Variants in ZNF585B observed in about 807,000 individuals in gnomAD.
ZNF585B encodes the protein zinc finger protein 585B.
A neutral mutation model predicts 14.0 loss-of-function variants in ZNF585B; 7 were observed. The ratio of observed to expected loss-of-function variants is 0.50; its 90% CI spans 0.28 to 0.94. The LOEUF is 0.94. ZNF585B is among the 40% of genes least tolerant of loss of function. The pLI, the probability that ZNF585B is intolerant of heterozygous loss-of-function variation, is 0.09. For missense variants in ZNF585B, 750 were observed against 924.4 expected, an observed-to-expected ratio of 0.81 and a Z score of 2.45; for synonymous variants, 290 against 317.3, an observed-to-expected ratio of 0.91 and a Z score of 0.91.
At chr19:37,190,209 T>C in intron 2 of ZNF585B, 59 bp from the exon 3 acceptor site, 6 of 1,599,124 alleles carry the variant, frequency 3.8e-6, no homozygotes, top group South Asian at 1.1e-5. Flanking sequence ...GGAGTGACTA[T>C]ATATGGGATT....
intron 4 of ZNF585B, among the ~76,000 whole-genome samples, chr19:37,188,496 T>C (rs1331146484): frequency 6.8e-6 from 1 of 147,894 alleles, no homozygotes; most frequent in Non-Finnish European, 1.5e-5. Context: ...CAAAAATAAA[T>C]AAATAAAAAT....
At chr19:37,187,295 G>C (rs980649089) in intron 4 of ZNF585B, 51 bp from the exon 5 acceptor site, 14 of 1,316,894 alleles carry the variant, frequency 1.1e-5, no homozygotes, top group Non-Finnish European at 1.5e-5. Flanking sequence ...ACCATAGTTA[G>C]TACTCTTCTT....
At chr19:37,188,863 G>C (rs1335869635) in intron 4 of ZNF585B, among the ~76,000 whole-genome samples, 2 of 152,132 alleles carry the variant, frequency 1.3e-5, no homozygotes, top group Non-Finnish European at 2.9e-5. Flanking sequence ...CTGAAGGACT[G>C]GGAAGATAAG....
intron 2 of ZNF585B, among the ~76,000 whole-genome samples, chr19:37,192,000 A>G (rs1972406987): frequency 6.6e-6 from 1 of 152,134 alleles, no homozygotes; most frequent in Non-Finnish European, 1.5e-5. Context: ...ACTGCATTCC[A>G]GCCCGGGATA....
intron 2 of ZNF585B, among the ~76,000 whole-genome samples, chr19:37,192,213 C>A (rs374471683): frequency 1.4e-4 from 21 of 151,998 alleles, no homozygotes; most frequent in African/African-American, 4.8e-4. Flanking sequence ...TAAATAAGAC[C>A]AAAGTTTGAA....
intron 1 of ZNF585B, among the ~76,000 whole-genome samples, chr19:37,210,115 A>C (rs1972631102): frequency 6.6e-6 from 1 of 152,278 alleles, no homozygotes; most frequent in South Asian, 2.1e-4. Context: ...GCTACACATC[A>C]AAACTTGTTA....
rs201238346 is a variant in ZNF585B at position 37,186,758 on chromosome 19, T to C, written c.779A>G (p.His260Arg). 13 of 1,614,096 alleles carry C rather than the reference T, an allele frequency of 8.1e-6. No individual in the cohort carries two copies. Among genetic ancestry groups the C allele is most frequent in the Admixed American group, 1.7e-5 (1 of 60,006 alleles). The change falls in exon 5 of 5, where the codon CAT becomes CGT. Residue 260 changes from histidine (H) to arginine (R), a missense_variant. Coordinates refer to ENST00000532828, the MANE Select transcript of ZNF585B (RefSeq NM_152279.4). ...TCTCTCGCCTGTATGGATTTTCTGA[T>C]GAATCTTGAGTGTGGACTTTTGTGT... is the stretch of plus-strand genomic sequence containing the variant. ...AFTQKSTLKI[H>R]QKIHTGERSY...
Position 37,208,326 on chromosome 19 carries a change from C to T in ZNF585B, c.-143-1072G>A, listed in dbSNP as rs146053629. On this transcript the variant is annotated intron_variant, in intron 1 of 4. Coordinates refer to ENST00000532828, the MANE Select transcript of ZNF585B (RefSeq NM_152279.4). The stretch of plus-strand genomic sequence containing the variant: ...GGAGCACTAAACATTTAAATACATG[C>T]ATTTTTTAAAACCCCTAAGGATATT... Among the ~76,000 whole-genome samples, 270 of 152,220 alleles carry T rather than the reference C, an allele frequency of 1.8e-3. 4 individuals are homozygous for T. Among genetic ancestry groups the T allele is most frequent in the African/African-American group, 6.3e-3 (263 of 41,526 alleles).
intron 4 of ZNF585B, among the ~76,000 whole-genome samples, chr19:37,188,011 T>C (rs1328139680): frequency 1.3e-5 from 2 of 152,126 alleles, no homozygotes; most frequent in African/African-American, 4.8e-5. Context: ...GCTTCCATTA[T>C]ACAAAACAGT....
chr19:37,208,146 T>C (rs1336253297), intron 1 of ZNF585B, among the ~76,000 whole-genome samples: 1 of 152,132 alleles, frequency 6.6e-6, no homozygotes, highest in Non-Finnish European at 1.5e-5. Context: ...CTAATTTTTG[T>C]ATTTTTAGTA....
rs1211245469 is a variant in ZNF585B at position 37,182,405 on chromosome 19, G to C, written c.*2822C>G. 6.6e-6 allele frequency: 1 copy of C among 152,248 alleles called. No homozygotes were observed. Among genetic ancestry groups the C allele is most frequent in the Non-Finnish European group, 1.5e-5 (1 of 68,060 alleles). 9.4% of individuals were successfully genotyped at this position (152,248 alleles called of 1,614,324 possible). A position where few individuals can be genotyped will look rare whatever the true frequency, so the allele number is the denominator to read the frequency against. The stretch of plus-strand genomic sequence containing the variant: ...GTGATCTCCAGGCACCCTCCTGAGA[G>C]TCAGCTGACATTGTCCTAAGTTGGG... On this transcript the variant is annotated 3_prime_UTR_variant, in exon 5 of 5. Transcript: ENST00000532828.
intron 2 of ZNF585B, among the ~76,000 whole-genome samples, chr19:37,196,425 A>G (rs1482575566): frequency 3.3e-5 from 5 of 152,246 alleles, no homozygotes; most frequent in African/African-American, 1.2e-4. Context: ...CTGGAAAATC[A>G]TTGACAAGAC....
At position 37,186,007 on chromosome 19, in the gene ZNF585B, A is replaced by T; in HGVS notation, c.1530T>A (p.Ile510=). Residue 510 remains isoleucine (I), a synonymous_variant, in exon 5 of 5, where the codon ATT becomes ATA. Transcript: ENST00000532828. ...GKAFTQRSDL[I]THQRIHTGEK... ...CCCCAGTATGGATTCTCTGATGTGT[A>T]ATCAAGTCTGACCTCTGGGTGAAGG... 1 of 1,614,004 alleles carries T rather than the reference A, an allele frequency of 6.2e-7. No homozygotes were observed. Among genetic ancestry groups the T allele is most frequent in the Non-Finnish European group, 8.5e-7 (1 of 1,179,992 alleles).
At chr19:37,192,857 C>T (rs1004898981) in intron 2 of ZNF585B, among the ~76,000 whole-genome samples, 4 of 151,016 alleles carry the variant, frequency 2.6e-5, no homozygotes, top group African/African-American at 9.8e-5. Context: ...CAATGAGGGC[C>T]GGGCACAGTG....
At position 37,186,164 on chromosome 19, in the gene ZNF585B, C is replaced by T. The variant is rs200751727; in HGVS notation, c.1373G>A (p.Arg458Gln). The T allele has an allele frequency of 3.3e-5, 53 of 1,614,154 alleles. No homozygotes were observed. Among genetic ancestry groups the T allele is most frequent in the Middle Eastern group, 3.3e-4 (2 of 6,062 alleles). ...TSKSQLHVHK[R>Q]IHTGEKPYVC... The stretch of plus-strand genomic sequence containing the variant: ...ATAGGGCTTTTCTCCTGTGTGAATT[C>T]GTTTATGAACATGGAGTTGTGACTT... Residue 458 changes from arginine (R) to glutamine (Q), a missense_variant, in exon 5 of 5, where the codon CGA becomes CAA. Physicochemically the swap from Arg to Gln is conservative, Grantham distance 43. Around this residue, in one of 2 missense-constraint regions of ZNF585B, gnomAD observed 517 missense variants for 570.3 expected, o/e 0.91. Transcript: ENST00000532828.
At chr19:37,188,404 T>C (rs1972363017) in intron 4 of ZNF585B, among the ~76,000 whole-genome samples, 1 of 152,194 alleles carries the variant, frequency 6.6e-6, no homozygotes. Flanking sequence ...GAGAATCGCT[T>C]GAACCCGGGA....
intron 3 of ZNF585B, 22 bp downstream of exon 3, chr19:37,190,002 A>G (rs1185500863): frequency 1.2e-6 from 2 of 1,612,550 alleles, no homozygotes; most frequent in Non-Finnish European, 8.5e-7. Context: ...CTCCTTTCAG[A>G]TACCAAGGTG....
At chr19:37,210,176 C>T (rs949259398) in intron 1 of ZNF585B, among the ~76,000 whole-genome samples, 1 of 152,130 alleles carries the variant, frequency 6.6e-6, no homozygotes, top group African/African-American at 2.4e-5. Flanking sequence ...CAACTCAGGT[C>T]AGAAAGCAAG....
At chr19:37,199,429 G>A (rs888467004) in intron 2 of ZNF585B, 11 of 441,250 alleles carry the variant, frequency 2.5e-5, no homozygotes, top group African/African-American at 2.2e-4. Flanking sequence ...GCAGGCTAAG[G>A]TGGGGGGATC....
Sources: allele counts gnomAD v4.1 joint callset (sites outside exome capture counted in the v4.1 genomes callset), GRCh38; gene constraint gnomAD v4.1.1; regional missense constraint gnomAD v4.1.1; transcripts MANE v1.5; gene names NCBI Gene and HGNC (gene_info 2026-07-23, HGNC 2026-07-21).